The following NDFIP2 variants were observed in gnomAD, a reference collection of about 807,000 sequenced individuals.
NDFIP2 encodes Nedd4 family interacting protein 2.
NDFIP2 carries 19 observed loss-of-function variants against 36.0 expected under a neutral mutation model. That is an observed-to-expected ratio of 0.53 (90% CI 0.37 to 0.77). NDFIP2 has a LOEUF of 0.77. Ranked by LOEUF, NDFIP2 falls within the 30% of genes least tolerant of loss-of-function variation. NDFIP2 has a pLI of 0.00. For synonymous variants in NDFIP2, 181 were observed against 167.7 expected (o/e 1.08, Z -0.61); for missense variants, 446 against 435.8 (o/e 1.02, Z -0.21).
At chr13:79,500,444 G>A (rs923661852) in intron 1 of NDFIP2, among the ~76,000 whole-genome samples, 11 of 151,804 alleles carry the variant, frequency 7.2e-5, no homozygotes, top group South Asian at 2.1e-4. Flanking sequence ...TGCAAAAGAC[G>A]TCTGATAAAG....
At chr13:79,484,509 A>G (rs891324133) in intron 1 of NDFIP2, among the ~76,000 whole-genome samples, 2 of 152,228 alleles carry the variant, frequency 1.3e-5, no homozygotes, top group Admixed American at 1.3e-4. Flanking sequence ...TATTAAAACC[A>G]TGAAAAATTC....
intron 7 of NDFIP2, among the ~76,000 whole-genome samples, chr13:79,551,883 T>C (rs958994888): frequency 6.6e-6 from 1 of 151,358 alleles, no homozygotes; most frequent in African/African-American, 2.4e-5. Flanking sequence ...GGTAAACTTA[T>C]AAAGCATTTG....
chr13:79,497,786 T>C (rs1438922441), intron 1 of NDFIP2, among the ~76,000 whole-genome samples: 1 of 124,038 alleles, frequency 8.1e-6, no homozygotes, highest in Admixed American at 9.2e-5. Flanking sequence ...AAATCCTTTA[T>C]CTGTGGGGGG....
intron 1 of NDFIP2, among the ~76,000 whole-genome samples, chr13:79,482,534 A>G (rs1267974637): frequency 6.6e-6 from 1 of 152,152 alleles, no homozygotes; most frequent in Non-Finnish European, 1.5e-5. Flanking sequence ...AACAATACAT[A>G]GCACTGGTGA....
intron 1 of NDFIP2, among the ~76,000 whole-genome samples, chr13:79,495,781 A>G (rs780167383): frequency 2.6e-5 from 4 of 151,410 alleles, no homozygotes; most frequent in East Asian, 1.9e-4. Flanking sequence ...ACCCTTTTCT[A>G]TCTTCTTTTG....
At position 79,554,837 on chromosome 13, in the gene NDFIP2, A is replaced by G. The variant is rs1349785734; in HGVS notation, c.*2324A>G. 6.6e-6 allele frequency: 1 copy of G among 151,970 alleles called. No individual in the cohort carries two copies. The highest frequency in any genetic ancestry group is 1.5e-5 in the Non-Finnish European group (1 of 67,862). The allele number at this position is 151,970 out of a possible 1,614,324, so 9.4% of individuals were successfully genotyped here. On this transcript the variant is annotated 3_prime_UTR_variant, in exon 8 of 8. Transcript: ENST00000218652. ...AGTGTGAACTGGGGATTGGAAGTTA[A>G]TACAAAAAAATTTCAAATTATTTCT...
At chr13:79,491,823 A>G (rs972264677) in intron 1 of NDFIP2, among the ~76,000 whole-genome samples, 15 of 152,266 alleles carry the variant, frequency 9.9e-5, no homozygotes, top group African/African-American at 3.4e-4. Flanking sequence ...TTTTCGGGCC[A>G]TGTTGTTATG....
At chr13:79,483,133 G>A (rs963365899) in intron 1 of NDFIP2, among the ~76,000 whole-genome samples, 8 of 151,924 alleles carry the variant, frequency 5.3e-5, no homozygotes, top group Admixed American at 1.3e-4. Flanking sequence ...TCAAACTGAC[G>A]ATGTGTCCTA....
chr13:79,553,876 C>G lies in NDFIP2; in HGVS notation c.*1363C>G, dbSNP rs576226853. 6.6e-6 allele frequency: 1 copy of G among 151,918 alleles called. No individual in the cohort carries two copies. The highest frequency in any genetic ancestry group is 1.5e-5 in the Non-Finnish European group (1 of 67,500). The allele number at this position is 151,918 out of a possible 1,614,324, so 9.4% of individuals were successfully genotyped here. Reference sequence around the variant, plus strand: ...AACATTTAAAATGATGGTATTTTATCTTTTAAACTTAAAAATTATTTAATA... The same window carrying G: ...AACATTTAAAATGATGGTATTTTATGTTTTAAACTTAAAAATTATTTAATA... On this transcript the variant is annotated 3_prime_UTR_variant, in exon 8 of 8. Coordinates refer to ENST00000218652, the MANE Select transcript of NDFIP2 (RefSeq NM_019080.3).
At chr13:79,509,002 GTT>G (rs1873973819) in intron 1 of NDFIP2, among the ~76,000 whole-genome samples, 1 of 151,776 alleles carries the variant, frequency 6.6e-6, no homozygotes, top group Non-Finnish European at 1.5e-5. Flanking sequence ...TGTTTTATGT[GTT>G]TTGTGTAATA....
At chr13:79,526,491 C>T (rs1387833081) in intron 2 of NDFIP2, among the ~76,000 whole-genome samples, 1 of 152,126 alleles carries the variant, frequency 6.6e-6, no homozygotes, top group African/African-American at 2.4e-5. Context: ...GTTGTCTATG[C>T]TGAGGAACTA....
At chr13:79,506,791 T>C (rs1245624934) in intron 1 of NDFIP2, among the ~76,000 whole-genome samples, 1 of 152,102 alleles carries the variant, frequency 6.6e-6, no homozygotes, top group East Asian at 1.9e-4. Context: ...TTCATAATTA[T>C]GGGATTGTGC....
At chr13:79,544,972 T>G (rs1766853277) in intron 5 of NDFIP2, among the ~76,000 whole-genome samples, 2 of 152,180 alleles carry the variant, frequency 1.3e-5, no homozygotes, top group Admixed American at 6.5e-5. Flanking sequence ...TTAATTTTAT[T>G]GCAAAAGATG....
chr13:79,545,928 G>T (rs574358896), intron 5 of NDFIP2, among the ~76,000 whole-genome samples: 3 of 152,268 alleles, frequency 2.0e-5, no homozygotes, highest in Admixed American at 1.3e-4. Flanking sequence ...TAGAGACAGG[G>T]TTTCACCGCG....
chr13:79,491,706 A>T (rs1873230845), intron 1 of NDFIP2, among the ~76,000 whole-genome samples: 1 of 152,192 alleles, frequency 6.6e-6, no homozygotes, highest in African/African-American at 2.4e-5. Flanking sequence ...GAGTTTAATT[A>T]ACTGTGGAAT....
chr13:79,550,954 A>T, intron 6 of NDFIP2, 63 bp from the exon 7 acceptor site: 1 of 941,962 alleles, frequency 1.1e-6, no homozygotes, highest in Non-Finnish European at 1.6e-6. Flanking sequence ...TGTCTACTTT[A>T]AATTTATCTT....
intron 1 of NDFIP2, among the ~76,000 whole-genome samples, chr13:79,487,979 A>G (rs867815461): frequency 3.3e-5 from 5 of 152,188 alleles, no homozygotes; most frequent in Admixed American, 2.6e-4. Flanking sequence ...GACCTCTGTC[A>G]TCAGCATCAA....
At chr13:79,498,851 G>GA (rs113667310) in intron 1 of NDFIP2, among the ~76,000 whole-genome samples, 6,521 of 151,804 alleles carry the variant, frequency 0.043, 486 homozygotes, top group African/African-American at 0.15. Flanking sequence ...ATAATTTAAG[G>GA]AAAAAATTAT....
rs1296413880 is a variant in NDFIP2, at chr13:79,554,148, T to A, written c.*1635T>A. On this transcript the variant is annotated 3_prime_UTR_variant, in exon 8 of 8. Coordinates refer to ENST00000218652, the MANE Select transcript of NDFIP2 (RefSeq NM_019080.3). ...ACTTTCCTGCGTAGAATTTTTATTG[T>A]TATATTAAAATTTTTATTGTTGTAT... 1 of 151,690 alleles carries A rather than the reference T, an allele frequency of 6.6e-6. No homozygotes were observed. The highest frequency in any genetic ancestry group is 1.5e-5 in the Non-Finnish European group (1 of 67,656). 9.4% of individuals were successfully genotyped at this position (151,690 alleles called of 1,614,324 possible).
Sources: gnomAD v4.1 joint callset for allele counts (sites outside exome capture counted in the v4.1 genomes callset) on GRCh38, gnomAD v4.1.1 for gene constraint, MANE v1.5 for transcripts, NCBI Gene and HGNC (gene_info 2026-07-23, HGNC 2026-07-21) for gene names.